CD86: variants seen among roughly 807,000 people sequenced by gnomAD.
CD86 encodes the protein CD86 molecule.
CD86 carries 11 observed loss-of-function variants against 32.1 expected under a neutral mutation model. That is an observed-to-expected ratio of 0.34 (90% CI 0.22 to 0.57). CD86 has a LOEUF of 0.57. CD86 is among the 20% of genes least tolerant of loss of function. The pLI, the probability that CD86 is intolerant of heterozygous loss-of-function variation, is 0.86. For missense variants in CD86, 359 were observed against 398.4 expected (o/e 0.90, Z 0.84); for synonymous variants, 137 against 135.3 (o/e 1.01, Z -0.09).
intron 1 of CD86, among the ~76,000 whole-genome samples, chr3:122,076,651 C>T (rs2107512280): frequency 6.6e-6 from 1 of 152,250 alleles, no homozygotes; most frequent in South Asian, 2.1e-4. Context: ...GGCCTGTTTA[C>T]AGACCTCTGT....
At chr3:122,097,060 T>C (rs2072919002) in intron 2 of CD86, among the ~76,000 whole-genome samples, 1 of 152,202 alleles carries the variant, frequency 6.6e-6, no homozygotes, top group Non-Finnish European at 1.5e-5. Flanking sequence ...TTACCAGCAG[T>C]AAATTCAGCA....
At chr3:122,097,183 G>A (rs1159398853) in intron 2 of CD86, among the ~76,000 whole-genome samples, 1 of 152,106 alleles carries the variant, frequency 6.6e-6, no homozygotes, top group African/African-American at 2.4e-5. Context: ...GGTTTAAATT[G>A]CATTTCCCTA....
intron 1 of CD86, among the ~76,000 whole-genome samples, chr3:122,056,621 C>T (rs927974003): frequency 1.3e-5 from 2 of 152,138 alleles, no homozygotes; most frequent in East Asian, 1.9e-4. Flanking sequence ...CGTGAGCCAC[C>T]GCGCACCCGG....
chr3:122,108,994 C>T (rs564811367), intron 4 of CD86, among the ~76,000 whole-genome samples: 3 of 152,292 alleles, frequency 2.0e-5, no homozygotes, highest in South Asian at 2.1e-4. Context: ...GGCTGACCCT[C>T]TTCTTCCTGA....
At chr3:122,115,645 CAGG>C (rs2073237810) in intron 5 of CD86, among the ~76,000 whole-genome samples, 1 of 144,800 alleles carries the variant, frequency 6.9e-6, no homozygotes, top group African/African-American at 2.6e-5. Context: ...GAGGCTGAGG[CAGG>C]AGAATTGCTT....
chr3:122,073,713 A>G (rs78162525), intron 1 of CD86, among the ~76,000 whole-genome samples: 2,019 of 149,262 alleles, frequency 0.014, 49 homozygotes, highest in African/African-American at 0.049. Flanking sequence ...GAGTAAGAAG[A>G]CAACCCAGTC....
chr3:122,056,316 G>C (rs909413750), intron 1 of CD86, among the ~76,000 whole-genome samples: 6 of 152,116 alleles, frequency 3.9e-5, no homozygotes, highest in African/African-American at 7.2e-5. Context: ...GCTGGCGCCA[G>C]TCACTATGTA....
At chr3:122,068,033 G>T (rs1164183473) in intron 1 of CD86, among the ~76,000 whole-genome samples, 1 of 152,084 alleles carries the variant, frequency 6.6e-6, no homozygotes, top group African/African-American at 2.4e-5. Context: ...TCACAAAGTT[G>T]CCACAGGGAA....
intron 1 of CD86, among the ~76,000 whole-genome samples, chr3:122,080,758 A>T (rs2072622483): frequency 1.3e-5 from 2 of 152,188 alleles, no homozygotes; most frequent in African/African-American, 2.4e-5. Flanking sequence ...CAGACATAAA[A>T]TCCAGCCTAA....
At chr3:122,111,440 C>G (rs1465807131) in intron 5 of CD86, among the ~76,000 whole-genome samples, 1 of 152,152 alleles carries the variant, frequency 6.6e-6, no homozygotes, top group African/African-American at 2.4e-5. Context: ...ATTAAGGCAC[C>G]AAGCTTGAGA....
At chr3:122,101,345 T>C (rs2072996090) in intron 2 of CD86, among the ~76,000 whole-genome samples, 1 of 151,620 alleles carries the variant, frequency 6.6e-6, no homozygotes, top group Non-Finnish European at 1.5e-5. Flanking sequence ...CATCACACTT[T>C]CAGTTGCTAG....
chr3:122,057,940 C>G (rs1185876367), intron 1 of CD86, among the ~76,000 whole-genome samples: 3 of 152,202 alleles, frequency 2.0e-5, no homozygotes, highest in African/African-American at 7.2e-5. Context: ...AGCCAGGCTG[C>G]TGGGGTTTGA....
intron 4 of CD86, among the ~76,000 whole-genome samples, chr3:122,106,892 C>A (rs1301095594): frequency 6.8e-6 from 1 of 146,076 alleles, no homozygotes; most frequent in East Asian, 2.0e-4. Flanking sequence ...TGCAGACATA[C>A]AAATGATATT....
Position 122,119,433 on chromosome 3 carries a change from T to A in CD86, c.894-5T>A. On this transcript the variant is annotated splice_polypyrimidine_tract_variant and splice_region_variant and intron_variant, in intron 6 of 6. Transcript: ENST00000330540. The stretch of plus-strand genomic sequence containing the variant: ...ATCACCTAATCTTTTCTTCTATTTC[T>A]CCAGAGAAAAAATCCATATACCTGA... 6.4e-7 allele frequency: 1 copy of A among 1,565,098 alleles called. No individual in the cohort carries two copies. Among genetic ancestry groups the A allele is most frequent in the Non-Finnish European group, 8.8e-7 (1 of 1,138,216 alleles).
At chr3:122,068,658 T>C (rs1347456164) in intron 1 of CD86, among the ~76,000 whole-genome samples, 1 of 152,238 alleles carries the variant, frequency 6.6e-6, no homozygotes, top group African/African-American at 2.4e-5. Context: ...TTTATTGATA[T>C]TTAATTTTTA....
intron 1 of CD86, among the ~76,000 whole-genome samples, chr3:122,071,001 A>G (rs564574067): frequency 1.3e-5 from 2 of 152,324 alleles, no homozygotes; most frequent in East Asian, 1.9e-4. Flanking sequence ...TAGATTTTCA[A>G]AAAATTGAGC....
chr3:122,114,370 A>G (rs957900564), intron 5 of CD86, among the ~76,000 whole-genome samples: 5 of 152,206 alleles, frequency 3.3e-5, no homozygotes, highest in Admixed American at 6.5e-5. Context: ...CTCTTTCCAT[A>G]AACAACTAGA....
rs867276821 is a variant in CD86, at chr3:122,075,295, G to A, written c.15-16306G>A. Among the ~76,000 whole-genome samples, 15 of 152,274 alleles carry A rather than the reference G, an allele frequency of 9.9e-5. No individual in the cohort carries two copies. The South Asian group carries it at 3.1e-3, about 32-fold the overall frequency. ...ATGGGTGAGGGTCCTAGAGACTATC[G>A]ACATGAGGGGCAGTTGAGAACACTG... is the stretch of plus-strand genomic sequence containing the variant. On this transcript the variant is annotated intron_variant, in intron 1 of 6. Coordinates refer to ENST00000330540, the MANE Select transcript of CD86 (RefSeq NM_175862.5).
chr3:122,072,099 T>C (rs1274604538), intron 1 of CD86, among the ~76,000 whole-genome samples: 1 of 151,266 alleles, frequency 6.6e-6, no homozygotes, highest in African/African-American at 2.4e-5. Context: ...ATGGTGTATA[T>C]GTGCCATATT....
Sources: gnomAD v4.1 joint callset for allele counts (sites outside exome capture counted in the v4.1 genomes callset) on GRCh38, gnomAD v4.1.1 for gene constraint, MANE v1.5 for transcripts, NCBI Gene and HGNC (gene_info 2026-07-23, HGNC 2026-07-21) for gene names.